Variants in STN1 observed in about 807,000 individuals in gnomAD.
STN1 encodes the protein STN1 subunit of CST complex, also known as CST complex subunit STN1.
In STN1, 29 loss-of-function variants were observed where a neutral mutation model predicts 45.5. The ratio of observed to expected loss-of-function variants is 0.64; its 90% CI spans 0.47 to 0.87. STN1 has a LOEUF of 0.87. Ranked by LOEUF, STN1 falls within the 40% of genes least tolerant of loss-of-function variation. STN1 has a pLI of 0.00. For missense variants in STN1, 376 were observed against 441.4 expected (o/e 0.85, Z 1.33); for synonymous variants, 148 against 159.0 (o/e 0.93, Z 0.52).
intron 9 of STN1, among the ~76,000 whole-genome samples, chr10:103,883,323 GC>G (rs1430438143): frequency 3.3e-5 from 5 of 151,930 alleles, no homozygotes. Context: ...CCTACCTTTG[GC>G]CTGTTCTCAT....
At chr10:103,896,295 TGGAGGAATA>T (rs1792444431) in intron 7 of STN1, among the ~76,000 whole-genome samples, 1 of 152,066 alleles carries the variant, frequency 6.6e-6, no homozygotes, top group South Asian at 2.1e-4. Flanking sequence ...TAAATTCTGA[TGGAGGAATA>T]GGCAAGCAAA....
At position 103,880,936 on chromosome 10, in the gene STN1, A is replaced by T. The variant is rs1234399447; in HGVS notation, c.*1748T>A. ...TACATTTATAAAGACCTCCATGCAG[A>T]AATATACACTCTCTCTACGGATATA... On this transcript the variant is annotated 3_prime_UTR_variant, in exon 10 of 10. Coordinates refer to ENST00000224950, the MANE Select transcript of STN1 (RefSeq NM_024928.5). Among the ~76,000 whole-genome samples the T allele has an allele frequency of 6.6e-6, 1 of 152,188 alleles. No individual in the cohort carries two copies. The highest frequency in any genetic ancestry group is 6.5e-5 in the Admixed American group (1 of 15,276).
At chr10:103,906,858 A>G (rs1843244765) in intron 3 of STN1, among the ~76,000 whole-genome samples, 1 of 152,254 alleles carries the variant, frequency 6.6e-6, no homozygotes, top group African/African-American at 2.4e-5. Context: ...GAAATTGACA[A>G]ATATTAAAAA....
At chr10:103,899,822 G>T in intron 5 of STN1, 1 of 420,326 alleles carries the variant, frequency 2.4e-6, no homozygotes, top group East Asian at 4.2e-5. Flanking sequence ...AAATAAACTT[G>T]CCAACCATAT....
At chr10:103,888,139 A>C (rs1337258421) in intron 9 of STN1, among the ~76,000 whole-genome samples, 1 of 152,190 alleles carries the variant, frequency 6.6e-6, no homozygotes, top group Non-Finnish European at 1.5e-5. Context: ...ATCCGACCTC[A>C]TGGTTTCTTA....
At chr10:103,912,435 C>A (rs1564635773) in intron 2 of STN1, among the ~76,000 whole-genome samples, 1 of 152,198 alleles carries the variant, frequency 6.6e-6, no homozygotes, top group Non-Finnish European at 1.5e-5. Flanking sequence ...TCTTCAGTCC[C>A]CTGCCCCTGC....
chr10:103,878,976 T>A lies in STN1; in HGVS notation c.*3708A>T, dbSNP rs1843048984. Reference sequence around the variant, plus strand: ...CACGGAGGAACTGTGGAAAAGAGTATGGAACGTGTGCCTCAGCAATGCTTA... The same window carrying A: ...CACGGAGGAACTGTGGAAAAGAGTAAGGAACGTGTGCCTCAGCAATGCTTA... On this transcript the variant is annotated 3_prime_UTR_variant, in exon 10 of 10. Coordinates refer to ENST00000224950, the MANE Select transcript of STN1 (RefSeq NM_024928.5). 6.6e-6 allele frequency: 1 copy of A among 152,382 alleles called. No individual in the cohort carries two copies. Among genetic ancestry groups the A allele is most frequent in the Middle Eastern group, 3.4e-3 (1 of 296 alleles). The allele number at this position is 152,382 out of a possible 1,614,324, so 9.4% of individuals were successfully genotyped here. A position where few individuals can be genotyped will look rare whatever the true frequency, so the allele number is the denominator to read the frequency against.
intron 2 of STN1, among the ~76,000 whole-genome samples, chr10:103,915,686 C>CA (rs963509338): frequency 6.6e-6 from 1 of 152,070 alleles, no homozygotes; most frequent in African/African-American, 2.4e-5. Flanking sequence ...TGGAACCAAA[C>CA]ACAACAACAA....
Position 103,889,145 on chromosome 10 carries a change from C to T in STN1, c.877-1G>A, listed in dbSNP as rs1843122339. The T allele has an allele frequency of 6.2e-7, 1 of 1,607,320 alleles. No homozygotes were observed. Among genetic ancestry groups the T allele is most frequent in the Non-Finnish European group, 8.5e-7 (1 of 1,174,056 alleles). On this transcript the variant is annotated splice_acceptor_variant, in intron 8 of 9. Transcript: ENST00000224950. LOFTEE classifies it high-confidence loss of function. Reference sequence around the variant, plus strand: ...GCAGGTCTTTGTCTTCTCTGGTTACCTAAATAGGAAAAATAGTTGAGAGAG... The same window carrying T: ...GCAGGTCTTTGTCTTCTCTGGTTACTTAAATAGGAAAAATAGTTGAGAGAG...
intron 9 of STN1, among the ~76,000 whole-genome samples, chr10:103,888,820 A>C (rs1193079633): frequency 6.6e-6 from 1 of 152,220 alleles, no homozygotes; most frequent in Non-Finnish European, 1.5e-5. Context: ...CCAGGGTAGA[A>C]TCTGGGCTCT....
At chr10:103,904,397 C>G (rs1224220468) in intron 4 of STN1, among the ~76,000 whole-genome samples, 1 of 151,372 alleles carries the variant, frequency 6.6e-6, no homozygotes, top group Non-Finnish European at 1.5e-5. Context: ...AGGAGGATCA[C>G]TTGTGTCCAG....
intron 2 of STN1, among the ~76,000 whole-genome samples, chr10:103,911,096 A>G (rs975174655): frequency 1.5e-4 from 23 of 151,928 alleles, no homozygotes; most frequent in Non-Finnish European, 2.9e-4. Flanking sequence ...TTTTTAAAAA[A>G]AAACAGTAAG....
intron 3 of STN1, among the ~76,000 whole-genome samples, 166 bp from the exon 4 acceptor site, chr10:103,905,322 A>C (rs2134370418): frequency 6.6e-6 from 1 of 152,304 alleles, no homozygotes; most frequent in South Asian, 2.1e-4. Flanking sequence ...CTCTCACTAC[A>C]TACGAGTATA....
At chr10:103,897,274 G>A (rs1312097660) in intron 7 of STN1, among the ~76,000 whole-genome samples, 1 of 151,400 alleles carries the variant, frequency 6.6e-6, no homozygotes, top group Non-Finnish European at 1.5e-5. Context: ...CAAGGCAGGA[G>A]AAGCACCAGC....
rs377217467 is a variant in STN1 at position 103,900,163 on chromosome 10, G to C, written c.356C>G (p.Thr119Ser). 4.0e-5 allele frequency: 64 copies of C among 1,613,986 alleles called. No homozygotes were observed. The highest frequency in any genetic ancestry group is 5.2e-5 in the Non-Finnish European group (61 of 1,179,976). The change falls in exon 5 of 10, where the codon ACC becomes AGC. Residue 119 changes from threonine to serine, a missense_variant. Coordinates refer to ENST00000224950, the MANE Select transcript of STN1 (RefSeq NM_024928.5). ...CTCTATCTTTGTTTTCTGCTCAATG[G>C]TCTCTTGTAGCTTCTTAAGTTGTGA... ...LTSQLKKLQE[T>S]IEQKTKIEIG... is the part of the protein sequence containing the mutation.
Position 103,900,159 on chromosome 10 carries a change from A to T in STN1, c.360T>A (p.Ile120=), listed in dbSNP as rs148532578. 108 of 1,614,022 alleles carry T rather than the reference A, an allele frequency of 6.7e-5. No individual in the cohort carries two copies. Among genetic ancestry groups the T allele is most frequent in the Middle Eastern group, 1.6e-4 (1 of 6,082 alleles). The change falls in exon 5 of 10, where the codon ATT becomes ATA. Residue 120 remains isoleucine (I), a synonymous_variant. Transcript: ENST00000224950. ...TSQLKKLQET[I]EQKTKIEIGD... is the part of the protein sequence containing the mutation. ...CGATCTCTATCTTTGTTTTCTGCTC[A>T]ATGGTCTCTTGTAGCTTCTTAAGTT... is the stretch of plus-strand genomic sequence containing the variant.
intron 3 of STN1, among the ~76,000 whole-genome samples, chr10:103,907,796 G>A (rs559049821): frequency 6.6e-6 from 1 of 151,948 alleles, no homozygotes; most frequent in East Asian, 1.9e-4. Flanking sequence ...CTCTGTAGGT[G>A]AAAAGCTTGA....
chr10:103,886,899 CA>C (rs1843107004), intron 9 of STN1, among the ~76,000 whole-genome samples: 1 of 152,218 alleles, frequency 6.6e-6, no homozygotes, highest in Admixed American at 6.5e-5. Context: ...AAGGTGGCTC[CA>C]GAGCACAGCT....
At chr10:103,895,461 G>A (rs905955884) in intron 7 of STN1, among the ~76,000 whole-genome samples, 1 of 152,192 alleles carries the variant, frequency 6.6e-6, no homozygotes, top group African/African-American at 2.4e-5. Context: ...GGTCAATTTG[G>A]CTTTGAGCCG....
Sources: allele counts gnomAD v4.1 joint callset (sites outside exome capture counted in the v4.1 genomes callset), GRCh38; gene constraint gnomAD v4.1.1; transcripts MANE v1.5; gene names NCBI Gene and HGNC (gene_info 2026-07-23, HGNC 2026-07-21).